The following ATG4B variants were observed in gnomAD, a reference collection of about 807,000 sequenced individuals.
ATG4B encodes the protein cysteine protease ATG4B.
A neutral mutation model predicts 56.6 loss-of-function variants in ATG4B; 29 were observed. The ratio of observed to expected loss-of-function variants is 0.51; its 90% confidence interval spans 0.38 to 0.70. The LOEUF is 0.70. ATG4B is among the 30% of genes least tolerant of loss of function. The pLI is 0.00. For missense variants in ATG4B, 461 were observed against 515.5 expected, an observed-to-expected ratio of 0.89 and a Z score of 1.02; for synonymous variants, 224 against 206.1, an observed-to-expected ratio of 1.09 and a Z score of -0.74.
rs1309934137 is a variant in ATG4B at position 241,668,362 on chromosome 2, G to A, written c.811+141G>A. On this transcript the variant is annotated intron_variant, in intron 9 of 12. Coordinates refer to ENST00000404914, the MANE Select transcript of ATG4B (RefSeq NM_013325.5). This position sits in a 1 kb window ranked among gnomAD's most constrained non-coding sequence, Gnocchi z 4.2. ...CCTGGGGTTCATTTTCAGCCTGGTC[G>A]CGGGCGGCCTCCTGTGTGCCCCTTT... 2.8e-5 allele frequency: 38 copies of A among 1,360,618 alleles called. No homozygotes were observed. The highest frequency in any genetic ancestry group is 2.3e-4 in the South Asian group (18 of 79,510). 84.3% of individuals were successfully genotyped at this position (1,360,618 alleles called of 1,614,324 possible).
intron 5 of ATG4B, 95 bp downstream of exon 5, chr2:241,654,742 T>A: frequency 1.0e-6 from 1 of 994,134 alleles, no homozygotes; most frequent in Non-Finnish European, 1.5e-6. Context: ...TGTCGTGGGA[T>A]GTGGAGCAGG....
rs951436478 is a variant in ATG4B, at chr2:241,668,758, G to A, written c.957+73G>A. On this transcript the variant is annotated intron_variant, in intron 10 of 12. Coordinates refer to ENST00000404914, the MANE Select transcript of ATG4B (RefSeq NM_013325.5). This position sits in a 1 kb window ranked among gnomAD's most constrained non-coding sequence, Gnocchi z 4.2. ...TTTGGGAATGACGAGGAAAACTTTC[G>A]GATTTTTGCGTTTTTTTTTTCAGCA... The A allele has an allele frequency of 2.9e-5, 44 of 1,505,178 alleles. No homozygotes were observed. Among genetic ancestry groups the A allele is most frequent in the African/African-American group, 4.3e-5 (3 of 70,192 alleles). The allele number at this position is 1,505,178 out of a possible 1,614,324, so 93.2% of individuals were successfully genotyped here. A position where few individuals can be genotyped will look rare whatever the true frequency, so the allele number is the denominator to read the frequency against.
chr2:241,655,042 A>G, intron 5 of ATG4B: 1 of 592,750 alleles, frequency 1.7e-6, no homozygotes, highest in South Asian at 2.0e-5. Context: ...TATAGAAGGA[A>G]GTGGTCCCTT....
Position 241,642,871 on chromosome 2 carries a change from C to CTTTTTTTTTT in ATG4B, c.10+5147_10+5148insTTTTTTTTTT, listed in dbSNP as rs1321613822. Among the ~76,000 whole-genome samples the CTTTTTTTTTT allele has an allele frequency of 1.9e-3, 190 of 98,422 alleles. 63 individuals are homozygous for CTTTTTTTTTT. Among genetic ancestry groups the CTTTTTTTTTT allele is most frequent in the African/African-American group, 4.8e-3 (112 of 23,502 alleles). The allele number at this position is 98,422 out of a possible 152,430, so 64.6% of individuals were successfully genotyped here. Reference sequence around the variant, plus strand: ...CTTAAGGTGTACAGCACCTCTCCGTCCTTTTTTTTTTTTTTTTTTTTTTTT... The same window carrying CTTTTTTTTTT: ...CTTAAGGTGTACAGCACCTCTCCGTCTTTTTTTTTTCTTTTTTTTTTTTTTTTTTTTTTTT... On this transcript the variant is annotated intron_variant, in intron 1 of 12. Transcript: ENST00000404914.
chr2:241,659,452 T>TC (rs1470504050), intron 7 of ATG4B: 2 of 529,332 alleles, frequency 3.8e-6, no homozygotes, highest in Admixed American at 2.5e-5. Flanking sequence ...TGGTTACAAA[T>TC]CGTTTATGAA....
chr2:241,659,344 G>A (rs1163636852), intron 7 of ATG4B, 157 bp downstream of exon 7: 5 of 720,668 alleles, frequency 6.9e-6, no homozygotes, highest in East Asian at 2.8e-5. Flanking sequence ...CCAGATGCAC[G>A]GTGGCCTCGC....
At position 241,654,683 on chromosome 2, in the gene ATG4B, G is replaced by A. The variant is rs147597708; in HGVS notation, c.385+36G>A. 35,072 of 1,528,682 alleles carry A rather than the reference G, an allele frequency of 0.023. 3,372 individuals carry two copies. In the East Asian group the frequency reaches 0.29, roughly 13 times the overall value. The allele number at this position is 1,528,682 out of a possible 1,614,324, so 94.7% of individuals were successfully genotyped here. On this transcript the variant is annotated intron_variant, in intron 5 of 12. Coordinates refer to ENST00000404914, the MANE Select transcript of ATG4B (RefSeq NM_013325.5). ...GCAGAATGTGCCAGGCCCCACCCGG[G>A]CTGTCTGGAGAGGGTGGAGTGGTCG...
At chr2:241,657,208 C>G (rs939300080) in intron 6 of ATG4B, among the ~76,000 whole-genome samples, 2 of 149,972 alleles carry the variant, frequency 1.3e-5, no homozygotes, top group Non-Finnish European at 3.0e-5. Flanking sequence ...AACTCCTGAC[C>G]TCGTGATCCA....
At chr2:241,654,290 ATG>A (rs2068321085) in intron 4 of ATG4B, among the ~76,000 whole-genome samples, 3 of 151,660 alleles carry the variant, frequency 2.0e-5, no homozygotes, top group Admixed American at 1.3e-4. Context: ...GCTTGGTGAC[ATG>A]TGCCTGTAGT....
chr2:241,668,527 CT>C lies in ATG4B; in HGVS notation c.812-12del. On this transcript the variant is annotated splice_polypyrimidine_tract_variant and intron_variant, in intron 9 of 12. Transcript: ENST00000404914. This position sits in a 1 kb window ranked among gnomAD's most constrained non-coding sequence, Gnocchi z 4.2. ...CTCGGCCACCCACCTGCCCACCTGCCTCATCCTCCCAGGTGAGGAGCTCATC... is the reference window on the plus strand; with the variant it reads ...CTCGGCCACCCACCTGCCCACCTGCCCATCCTCCCAGGTGAGGAGCTCATC... 6.2e-7 allele frequency: 1 copy of C among 1,606,352 alleles called. No homozygotes were observed. Among genetic ancestry groups the C allele is most frequent in the Non-Finnish European group, 8.5e-7 (1 of 1,178,796 alleles).
intron 1 of ATG4B, among the ~76,000 whole-genome samples, chr2:241,644,262 G>T (rs1423683631): frequency 1.3e-5 from 2 of 152,180 alleles, no homozygotes; most frequent in Non-Finnish European, 2.9e-5. Context: ...AGGATCCCTT[G>T]AGGCCGGAAG....
chr2:241,664,372 AAAAC>A (rs1428022284), intron 7 of ATG4B, among the ~76,000 whole-genome samples: 3 of 151,944 alleles, frequency 2.0e-5, no homozygotes, highest in Admixed American at 6.6e-5. Context: ...TCTCTACAAA[AAAAC>A]AAAACAAAAA....
intron 7 of ATG4B, among the ~76,000 whole-genome samples, chr2:241,662,909 A>G (rs1424213606): frequency 6.8e-6 from 1 of 147,450 alleles, no homozygotes; most frequent in Admixed American, 6.8e-5. Flanking sequence ...CGGGCCGGGC[A>G]TGGTGGCTCA....
rs2068865236 is a variant in ATG4B, at chr2:241,668,894, C to T, written c.957+209C>T. 2 of 670,908 alleles carry T rather than the reference C, an allele frequency of 3.0e-6. No individual in the cohort carries two copies. Among genetic ancestry groups the T allele is most frequent in the Non-Finnish European group, 4.9e-6 (2 of 405,672 alleles). 41.6% of individuals were successfully genotyped at this position (670,908 alleles called of 1,614,324 possible). A position where few individuals can be genotyped will look rare whatever the true frequency, so the allele number is the denominator to read the frequency against. On this transcript the variant is annotated intron_variant, in intron 10 of 12. Transcript: ENST00000404914. This position sits in a 1 kb window ranked among gnomAD's most constrained non-coding sequence, Gnocchi z 4.2. ...CCCCAGGCACCACCTCCTGTGCAGC[C>T]TTCATGGCCTTCGAGTGGCCCAGAG...
At position 241,651,216 on chromosome 2, in the gene ATG4B, C is replaced by G; in HGVS notation, c.113-48C>G. ...TCTGCCATAACTTGTGACTTGCAAA[C>G]TTAAGGCGTTGTGTGTGTGTGTTTT... is the stretch of plus-strand genomic sequence containing the variant. On this transcript the variant is annotated intron_variant, in intron 2 of 12. Transcript: ENST00000404914. This position sits in a 1 kb window ranked among gnomAD's most constrained non-coding sequence, Gnocchi z 4.1. 1.3e-6 allele frequency: 2 copies of G among 1,558,962 alleles called. No homozygotes were observed. Among genetic ancestry groups the G allele is most frequent in the Non-Finnish European group, 1.7e-6 (2 of 1,146,258 alleles).
At chr2:241,639,380 C>T (rs752213560) in intron 1 of ATG4B, among the ~76,000 whole-genome samples, 24 of 152,238 alleles carry the variant, frequency 1.6e-4, no homozygotes, top group African/African-American at 5.3e-4. Context: ...TGCCCTGCTC[C>T]AGGCTATAGC....
chr2:241,663,866 G>A (rs966927128), intron 7 of ATG4B, among the ~76,000 whole-genome samples: 1 of 151,580 alleles, frequency 6.6e-6, no homozygotes, highest in African/African-American at 2.4e-5. Context: ...GAGTGCAGTG[G>A]TGGCACGATC....
Position 241,670,798 on chromosome 2 carries a change from A to C in ATG4B, c.1014+16A>C. The C allele has an allele frequency of 6.2e-7, 1 of 1,602,438 alleles. No homozygotes were observed. The highest frequency in any genetic ancestry group is 8.5e-7 in the Non-Finnish European group (1 of 1,174,464). On this transcript the variant is annotated intron_variant, in intron 11 of 12. Transcript: ENST00000404914. ...AGTCAAAAAGGTTTGTAGCCGCCCC[A>C]CACCCACAGCCGAGCTGAGCCACCC...
intron 1 of ATG4B, among the ~76,000 whole-genome samples, chr2:241,638,836 C>T (rs935940932): frequency 6.6e-6 from 1 of 152,242 alleles, no homozygotes; most frequent in African/African-American, 2.4e-5. Context: ...GAATAACCGT[C>T]ATTCACGGTT....
Sources: allele counts gnomAD v4.1 joint callset (sites outside exome capture counted in the v4.1 genomes callset), GRCh38; gene constraint gnomAD v4.1.1; non-coding constraint Gnocchi (gnomAD v3.1); transcripts MANE v1.5; gene names NCBI Gene and HGNC (gene_info 2026-07-23, HGNC 2026-07-21).